Variants in RIOK2 observed in about 807,000 individuals in gnomAD.
RIOK2 encodes RIO kinase 2.
A neutral mutation model predicts 62.4 loss-of-function variants in RIOK2; 46 were observed. The ratio of observed to expected loss-of-function variants is 0.74; its 90% CI spans 0.58 to 0.94. The LOEUF (loss-of-function observed/expected upper bound fraction) is 0.94. Ranked by LOEUF, RIOK2 falls within the 40% of genes least tolerant of loss-of-function variation. RIOK2 has a pLI of 0.00. For synonymous variants in RIOK2, 197 were observed against 216.0 expected (o/e 0.91, Z 0.77); for missense variants, 574 against 658.0 (o/e 0.87, Z 1.40).
rs1233319601 is a variant in RIOK2 at position 97,173,208 on chromosome 5, G to A, written c.554C>T (p.Ala185Val). The A allele has an allele frequency of 1.2e-6, 2 of 1,613,036 alleles. No individual in the cohort carries two copies. Among genetic ancestry groups the A allele is most frequent in the East Asian group, 2.2e-5 (1 of 44,742 alleles). ...ACCATTTATGAGTTCCATGACCACT[G>A]CATGACGATTGTAATCAATTGGCTT... ...VPKPIDYNRH[A>V]VVMELINGYP... Residue 185 changes from alanine to valine, a missense_variant, in exon 5 of 10, where the codon GCA becomes GTA. Ala to Val is a moderately conservative substitution (Grantham distance 64). Coordinates refer to ENST00000283109, the MANE Select transcript of RIOK2 (RefSeq NM_018343.3).
At chr5:97,168,488 C>T (rs1164871679) in intron 7 of RIOK2, among the ~76,000 whole-genome samples, 1 of 152,136 alleles carries the variant, frequency 6.6e-6, no homozygotes, top group Non-Finnish European at 1.5e-5. Flanking sequence ...GAATGAGTTA[C>T]TCAAATAGCA....
In RIOK2 at chr5:97,173,230, G is replaced by A; in HGVS notation, c.532C>T (p.Pro178Ser). Residue 178 changes from proline to serine, a missense_variant, in exon 5 of 10, where the codon CCA (proline) becomes TCA (serine). Transcript: ENST00000283109. ...LYERKFPVPK[P>S]IDYNRHAVVM... Reference sequence around the variant, plus strand: ...ACTGCATGACGATTGTAATCAATTGGCTTTGGAACTGGAAATTTCCTCTCA... The same window carrying A: ...ACTGCATGACGATTGTAATCAATTGACTTTGGAACTGGAAATTTCCTCTCA... 2 of 1,613,130 alleles carry A rather than the reference G, an allele frequency of 1.2e-6. No individual in the cohort carries two copies. The highest frequency in any genetic ancestry group is 8.5e-7 in the Non-Finnish European group (1 of 1,179,544).
intron 4 of RIOK2, chr5:97,175,901 C>T (rs1749150099): frequency 6.6e-6 from 1 of 151,414 alleles, no homozygotes; most frequent in Admixed American, 6.6e-5. Context: ...CTATGCTGAA[C>T]TTAATTTTGA....
chr5:97,171,474 C>T (rs1019861845), intron 5 of RIOK2, 77 bp from the exon 6 acceptor site: 1 of 968,604 alleles, frequency 1.0e-6, no homozygotes, highest in Non-Finnish European at 1.4e-6. Flanking sequence ...TGCATGTGAA[C>T]ATATATATTA....
At chr5:97,177,459 G>A (rs1749201314) in intron 3 of RIOK2, among the ~76,000 whole-genome samples, 168 bp from the exon 4 acceptor site, 2 of 152,082 alleles carry the variant, frequency 1.3e-5, no homozygotes, top group Non-Finnish European at 2.9e-5. Context: ...TTTGAATTTT[G>A]GATTCTGGTA....
intron 1 of RIOK2, among the ~76,000 whole-genome samples, chr5:97,182,511 A>G (rs1212982179): frequency 6.6e-6 from 1 of 152,178 alleles, no homozygotes; most frequent in Non-Finnish European, 1.5e-5. Context: ...TTGATTGTCT[A>G]CCAAAGGCCA....
intron 4 of RIOK2, among the ~76,000 whole-genome samples, chr5:97,175,471 C>T (rs966544200): frequency 2.6e-5 from 4 of 152,160 alleles, no homozygotes; most frequent in Non-Finnish European, 4.4e-5. Flanking sequence ...TATGTGCAAC[C>T]AGATTCCATT....
intron 9 of RIOK2, among the ~76,000 whole-genome samples, chr5:97,163,816 T>C (rs1748768633): frequency 6.6e-6 from 1 of 152,218 alleles, no homozygotes; most frequent in Non-Finnish European, 1.5e-5. Flanking sequence ...ATTTAATAAC[T>C]GTATATAACC....
In RIOK2 at chr5:97,177,115, C is replaced by T. The variant is rs1017111618; in HGVS notation, c.498+1G>A. The T allele has an allele frequency of 6.2e-7, 1 of 1,607,504 alleles. No individual in the cohort carries two copies. Among genetic ancestry groups the T allele is most frequent in the African/African-American group, 1.3e-5 (1 of 74,700 alleles). On this transcript the variant is annotated splice_donor_variant, in intron 4 of 9. Coordinates refer to ENST00000283109, the MANE Select transcript of RIOK2 (RefSeq NM_018343.3). LOFTEE classifies it high-confidence loss of function. ...GCATGACTACAAAATAAAATAAATA[C>T]CTTCATATAGGCAAATTCCTTCATG...
intron 8 of RIOK2, chr5:97,167,033 C>T (rs1029217639): frequency 2.3e-6 from 1 of 434,704 alleles, no homozygotes; most frequent in African/African-American, 2.2e-5. Context: ...TCTCCTGCCT[C>T]AGTCTCCCAA....
intron 6 of RIOK2, 90 bp from the exon 7 acceptor site, chr5:97,168,942 A>G: frequency 1.5e-6 from 1 of 650,726 alleles, no homozygotes; most frequent in Non-Finnish European, 2.5e-6. Context: ...GGTTAATGGT[A>G]TTGCTCCTCC....
intron 6 of RIOK2, 144 bp from the exon 7 acceptor site, chr5:97,168,996 C>T (rs1048180003): frequency 2.0e-6 from 1 of 503,186 alleles, no homozygotes; most frequent in African/African-American, 2.0e-5. Flanking sequence ...AAAAAAGATA[C>T]AAATGAGTTA....
chr5:97,168,939 GGT>G (rs1415815526), intron 6 of RIOK2, 87 bp from the exon 7 acceptor site: 2 of 670,494 alleles, frequency 3.0e-6, no homozygotes, highest in African/African-American at 3.7e-5. Context: ...ATTGGTTAAT[GGT>G]ATTGCTCCTC....
chr5:97,178,946 G>A lies in RIOK2; in HGVS notation c.205+109C>T, dbSNP rs181679729. The A allele has an allele frequency of 2.4e-4, 299 of 1,246,838 alleles. 2 individuals carry two copies. In the African/African-American group the frequency reaches 3.8e-3, roughly 16 times the overall value. The allele number at this position is 1,246,838 out of a possible 1,614,324, so 77.2% of individuals were successfully genotyped here. A position where few individuals can be genotyped will look rare whatever the true frequency, so the allele number is the denominator to read the frequency against. ...CCGAAGTGTGTTCTGTCAGTTCTTC[G>A]TCTAATGCTTTACTAGTCTGGCAAC... On this transcript the variant is annotated intron_variant, in intron 2 of 9. Coordinates refer to ENST00000283109, the MANE Select transcript of RIOK2 (RefSeq NM_018343.3).
rs1748741732 is a variant in RIOK2, at chr5:97,162,942, A to C, written c.*119T>G. 2 of 829,618 alleles carry C rather than the reference A, an allele frequency of 2.4e-6. No individual in the cohort carries two copies. The highest frequency in any genetic ancestry group is 2.0e-5 in the South Asian group (1 of 50,796). The allele number at this position is 829,618 out of a possible 1,614,324, so 51.4% of individuals were successfully genotyped here. ...TACTGAATGACCAAATTTATAGATG[A>C]AAGAGGGTTTATTTATTAATATATG... On this transcript the variant is annotated 3_prime_UTR_variant, in exon 10 of 10. Coordinates refer to ENST00000283109, the MANE Select transcript of RIOK2 (RefSeq NM_018343.3).
intron 1 of RIOK2, among the ~76,000 whole-genome samples, chr5:97,180,016 A>ATTATATATAAT (rs1189156391): frequency 2.3e-5 from 1 of 44,154 alleles, no homozygotes; most frequent in African/African-American, 8.0e-5. Flanking sequence ...ATATATATAT[A>ATTATATATAAT]ATATATATAT....
At chr5:97,178,999 G>A in intron 2 of RIOK2, 56 bp downstream of exon 2, 1 of 1,602,692 alleles carries the variant, frequency 6.2e-7, no homozygotes, top group Non-Finnish European at 8.5e-7. Context: ...TGGAACACTT[G>A]CTCTGGTGGA....
chr5:97,177,766 AG>A lies in RIOK2; in HGVS notation c.287del (p.Ser96LeufsTer27). The A allele has an allele frequency of 1.2e-6, 2 of 1,612,808 alleles. No homozygotes were observed. The highest frequency in any genetic ancestry group is 1.7e-6 in the Non-Finnish European group (2 of 1,178,964). ...TGCCAACACCCATCTGGTTTCCAAC[AG>A]ACTCAACTACTTGCCTAGAAGAAAG... ...KTLSSRQVVE[S>X]VGNQMGVGKE... On this transcript the variant is annotated frameshift_variant, in exon 3 of 10. Coordinates refer to ENST00000283109, the MANE Select transcript of RIOK2 (RefSeq NM_018343.3). LOFTEE classifies it high-confidence loss of function.
At chr5:97,182,855 G>T in intron 1 of RIOK2, 2 of 394,536 alleles carry the variant, frequency 5.1e-6, no homozygotes, top group Non-Finnish European at 9.6e-6. Flanking sequence ...CCACAGAGAT[G>T]CAAGCGTTTC....
Sources: gnomAD v4.1 joint callset for allele counts (sites outside exome capture counted in the v4.1 genomes callset) on GRCh38, gnomAD v4.1.1 for gene constraint, MANE v1.5 for transcripts, NCBI Gene and HGNC (gene_info 2026-07-23, HGNC 2026-07-21) for gene names.